The following XRRA1 variants were observed in gnomAD, a reference collection of about 807,000 sequenced individuals.
XRRA1 encodes X-ray radiation resistance associated 1.
Under a neutral mutation model 80.2 loss-of-function variants are expected in XRRA1, and 69 were observed. The observed-to-expected ratio is 0.86, with a 90% CI of 0.71 to 1.05. XRRA1 has a LOEUF of 1.05. Among genes scored for constraint, XRRA1 ranks in the 50% least tolerant of loss-of-function variants. The probability of loss-of-function intolerance (pLI) is 0.00; values close to 1 mark genes in which losing one functional copy is unlikely to be tolerated. For missense variants in XRRA1, 967 were observed against 976.4 expected, an observed-to-expected ratio of 0.99 and a Z score of 0.13; for synonymous variants, 348 against 389.9, an observed-to-expected ratio of 0.89 and a Z score of 1.27.
At chr11:74,902,392 T>C (rs995401329) in intron 10 of XRRA1, among the ~76,000 whole-genome samples, 1 of 152,186 alleles carries the variant, frequency 6.6e-6, no homozygotes, top group African/African-American at 2.4e-5. Flanking sequence ...AGCTACCATA[T>C]GATCCAGCAA....
At chr11:74,911,209 TA>T (rs2055811467) in intron 8 of XRRA1, 1 of 151,964 alleles carries the variant, frequency 6.6e-6, no homozygotes, top group African/African-American at 2.4e-5. Flanking sequence ...GGGAAGAAAA[TA>T]ATGACAATGG....
chr11:74,946,410 G>A (rs1034746525), intron 1 of XRRA1, among the ~76,000 whole-genome samples: 2 of 152,186 alleles, frequency 1.3e-5, no homozygotes, highest in Non-Finnish European at 2.9e-5. Context: ...ACCATAGTGA[G>A]TGAGCTCTCA....
In XRRA1 at chr11:74,927,446, G is replaced by A. The variant is rs756185435; in HGVS notation, c.467C>T (p.Ala156Val). The change falls in exon 7 of 19, where the codon GCA becomes GTA. Residue 156 changes from alanine (A) to valine (V), a missense_variant. Ala to Val is a moderately conservative substitution (Grantham distance 64). Coordinates refer to ENST00000684022, the MANE Select transcript of XRRA1 (RefSeq NM_001378157.1). ...GTAGATAGTTTTGATGCCATTAAATGCGAGATCCAGTTCCTTTAGGGCTGG... is the reference window on the plus strand; with the variant it reads ...GTAGATAGTTTTGATGCCATTAAATACGAGATCCAGTTCCTTTAGGGCTGG... Reference protein sequence around the residue: ...TFPALKELDLAFNGIKTIYVK... With the variant: ...TFPALKELDLVFNGIKTIYVK... 7 of 1,613,442 alleles carry A rather than the reference G, an allele frequency of 4.3e-6. No homozygotes were observed. Among genetic ancestry groups the A allele is most frequent in the South Asian group, 1.1e-5 (1 of 91,070 alleles).
chr11:74,922,000 G>A (rs185609202), intron 7 of XRRA1, among the ~76,000 whole-genome samples: 7 of 152,302 alleles, frequency 4.6e-5, no homozygotes, highest in Non-Finnish European at 8.8e-5. Flanking sequence ...GCTCACGCCT[G>A]TAATCCCAGC....
chr11:74,948,259 AG>A (rs1477290550), intron 1 of XRRA1, among the ~76,000 whole-genome samples: 1 of 152,106 alleles, frequency 6.6e-6, no homozygotes, highest in East Asian at 1.9e-4. Context: ...GTTCCACCAG[AG>A]TAGCAACCAG....
intron 16 of XRRA1, 93 bp from the exon 17 acceptor site, chr11:74,844,376 C>T: frequency 2.2e-6 from 2 of 901,706 alleles, no homozygotes; most frequent in Non-Finnish European, 3.5e-6. Context: ...CTCACAGCAG[C>T]TCTAGGTAAA....
chr11:74,922,989 G>A (rs1361174348), intron 7 of XRRA1, among the ~76,000 whole-genome samples: 1 of 152,108 alleles, frequency 6.6e-6, no homozygotes, highest in African/African-American at 2.4e-5. Flanking sequence ...AGCCTACTCA[G>A]CTAAATACAT....
intron 13 of XRRA1, 98 bp from the exon 14 acceptor site, chr11:74,851,301 C>T (rs1565228803): frequency 1.2e-6 from 1 of 847,136 alleles, no homozygotes; most frequent in Non-Finnish European, 1.8e-6. Flanking sequence ...ACATGTATTA[C>T]TGAAACTTAT....
At chr11:74,857,034 G>A (rs1428330194) in intron 12 of XRRA1, among the ~76,000 whole-genome samples, 1 of 151,934 alleles carries the variant, frequency 6.6e-6, no homozygotes, top group East Asian at 1.9e-4. Context: ...TAAGACTGGG[G>A]CTAGAGCCTC....
rs1039744683 is a variant in XRRA1, at chr11:74,949,009, C to G, written c.-154G>C. ...GGAGGGATGCGCGCCTGCGAGCCCC[C>G]CGGGGATCTCGGAGCCGCTCCACTG... On this transcript the variant is annotated 5_prime_UTR_variant, in exon 1 of 19. Coordinates refer to ENST00000684022, the MANE Select transcript of XRRA1 (RefSeq NM_001378157.1). The G allele has an allele frequency of 3.1e-6, 1 of 321,144 alleles. No homozygotes were observed. The highest frequency in any genetic ancestry group is 2.2e-5 in the African/African-American group (1 of 45,276). 19.9% of individuals were successfully genotyped at this position (321,144 alleles called of 1,614,324 possible). A position where few individuals can be genotyped will look rare whatever the true frequency, so the allele number is the denominator to read the frequency against.
intron 11 of XRRA1, among the ~76,000 whole-genome samples, chr11:74,861,914 T>G (rs894407864): frequency 6.6e-6 from 1 of 152,202 alleles, no homozygotes; most frequent in Non-Finnish European, 1.5e-5. Context: ...AGGAAATCTT[T>G]TTGGGAACTA....
chr11:74,850,644 G>A (rs1462893665), intron 14 of XRRA1, among the ~76,000 whole-genome samples: 1 of 152,170 alleles, frequency 6.6e-6, no homozygotes, highest in Non-Finnish European at 1.5e-5. Context: ...TCAACATAAG[G>A]AAACACTTCC....
chr11:74,856,034 AGGCAG>A (rs1235865165), intron 12 of XRRA1, among the ~76,000 whole-genome samples: 1 of 152,176 alleles, frequency 6.6e-6, no homozygotes, highest in Non-Finnish European at 1.5e-5. Context: ...TGGGAGGCTG[AGGCAG>A]GAGAATTGCT....
At chr11:74,855,996 G>T (rs924424965) in intron 12 of XRRA1, among the ~76,000 whole-genome samples, 1 of 152,126 alleles carries the variant, frequency 6.6e-6, no homozygotes, top group Non-Finnish European at 1.5e-5. Flanking sequence ...GCCAGGCGTG[G>T]TAGCGGGTGC....
At chr11:74,872,638 T>C (rs917358154) in intron 10 of XRRA1, among the ~76,000 whole-genome samples, 3 of 152,046 alleles carry the variant, frequency 2.0e-5, no homozygotes, top group African/African-American at 7.2e-5. Context: ...TTGGGACCAC[T>C]GGAGATCAGA....
intron 9 of XRRA1, chr11:74,906,769 T>C: frequency 2.4e-6 from 1 of 417,094 alleles, no homozygotes; most frequent in South Asian, 4.1e-5. Context: ...CTTAACAATG[T>C]AAATGCCACT....
intron 7 of XRRA1, 66 bp downstream of exon 7, chr11:74,927,325 A>G: frequency 1.0e-6 from 1 of 972,486 alleles, no homozygotes; most frequent in South Asian, 1.4e-5. Context: ...ATAATCAGTA[A>G]AGCTCTATGC....
At chr11:74,938,741 G>C (rs1228707785) in intron 3 of XRRA1, among the ~76,000 whole-genome samples, 1 of 152,166 alleles carries the variant, frequency 6.6e-6, no homozygotes, top group Non-Finnish European at 1.5e-5. Flanking sequence ...CCTAGAGGAA[G>C]AGGAAATTTT....
At chr11:74,886,391 AT>A (rs1253229651) in intron 10 of XRRA1, among the ~76,000 whole-genome samples, 4 of 152,202 alleles carry the variant, frequency 2.6e-5, no homozygotes, top group Admixed American at 2.6e-4. Flanking sequence ...AATGTACAAA[AT>A]TCAATAGCAT....
Sources: gnomAD v4.1 joint callset for allele counts (sites outside exome capture counted in the v4.1 genomes callset) on GRCh38, gnomAD v4.1.1 for gene constraint, MANE v1.5 for transcripts, NCBI Gene and HGNC (gene_info 2026-07-23, HGNC 2026-07-21) for gene names.